PTAR1: variants seen among roughly 807,000 people sequenced by gnomAD.
PTAR1 encodes protein prenyltransferase alpha subunit repeat containing 1.
Under a neutral mutation model 45.5 loss-of-function variants are expected in PTAR1, and 17 were observed. The observed-to-expected ratio is 0.37, with a 90% CI of 0.26 to 0.56. The LOEUF (loss-of-function observed/expected upper bound fraction) is 0.56. Ranked by LOEUF, PTAR1 falls within the 20% of genes least tolerant of loss-of-function variation. The probability of loss-of-function intolerance (pLI) is 0.77; values close to 1 mark genes in which losing one functional copy is unlikely to be tolerated. For missense variants in PTAR1, 391 were observed against 476.3 expected, an observed-to-expected ratio of 0.82 and a Z score of 1.67; for synonymous variants, 169 against 171.3, an observed-to-expected ratio of 0.99 and a Z score of 0.11.
In PTAR1 at chr9:69,734,633, C is replaced by T. The variant is rs368259380; in HGVS notation, c.324-379G>A. Among the ~76,000 whole-genome samples, 769 of 152,126 alleles carry T rather than the reference C, an allele frequency of 5.1e-3. 7 individuals carry two copies. Among genetic ancestry groups the T allele is most frequent in the African/African-American group, 0.018 (735 of 41,496 alleles). ...ACCTATAGGGCCAATCCAATACCAGCCAAAATTGGTCTAGTTTCCTAAATA... is the reference window on the plus strand; with the variant it reads ...ACCTATAGGGCCAATCCAATACCAGTCAAAATTGGTCTAGTTTCCTAAATA... On this transcript the variant is annotated intron_variant, in intron 3 of 7. Coordinates refer to ENST00000340434, the MANE Select transcript of PTAR1 (RefSeq NM_001099666.2).
intron 1 of PTAR1, among the ~76,000 whole-genome samples, chr9:69,752,916 G>C (rs929277890): frequency 6.6e-6 from 1 of 151,642 alleles, no homozygotes; most frequent in African/African-American, 2.4e-5. Flanking sequence ...CTGAATCTCT[G>C]GTATTTTCTG....
Position 69,734,237 on chromosome 9 carries a change from G to T in PTAR1, c.341C>A (p.Ser114Tyr). 2.7e-6 allele frequency: 2 copies of T among 746,380 alleles called. No individual in the cohort carries two copies. Among genetic ancestry groups the T allele is most frequent in the Non-Finnish European group, 4.3e-6 (2 of 468,964 alleles). The allele number at this position is 746,380 out of a possible 1,614,324, so 46.2% of individuals were successfully genotyped here. A position where few individuals can be genotyped will look rare whatever the true frequency, so the allele number is the denominator to read the frequency against. Reference protein sequence around the residue: ...AWNVRKELILSGTLNPIKDLH... With the variant: ...AWNVRKELILYGTLNPIKDLH... ...ATCCTTAATTGGATTTAAAGTGCCA[G>T]AGAGGATCAGCTCTTTCCTGTAAAA... The change falls in exon 4 of 8, where the codon TCT becomes TAT. Residue 114 changes from serine (S) to tyrosine (Y), a missense_variant. Physicochemically the swap from Ser to Tyr is moderately radical, Grantham distance 144. Coordinates refer to ENST00000340434, the MANE Select transcript of PTAR1 (RefSeq NM_001099666.2).
chr9:69,741,360 A>G (rs1222918377), intron 3 of PTAR1, among the ~76,000 whole-genome samples: 1 of 152,118 alleles, frequency 6.6e-6, no homozygotes, highest in African/African-American at 2.4e-5. Context: ...TGGCAATTCC[A>G]TCCTTTCAGT....
chr9:69,718,828 A>T lies in PTAR1; in HGVS notation c.948-144T>A. 3 of 584,320 alleles carry T rather than the reference A, an allele frequency of 5.1e-6. No individual in the cohort carries two copies. The South Asian group carries it at 8.2e-5, about 16-fold the overall frequency. 36.2% of individuals were successfully genotyped at this position (584,320 alleles called of 1,614,324 possible). A position where few individuals can be genotyped will look rare whatever the true frequency, so the allele number is the denominator to read the frequency against. ...AACCAAGTTATACAGAGGAAGGAGG[A>T]AAAACAGTAGAGATGATGTTCCAGG... On this transcript the variant is annotated intron_variant, in intron 6 of 7. Coordinates refer to ENST00000340434, the MANE Select transcript of PTAR1 (RefSeq NM_001099666.2).
chr9:69,752,473 C>T (rs576712011), intron 1 of PTAR1, among the ~76,000 whole-genome samples: 60 of 152,038 alleles, frequency 3.9e-4, no homozygotes, highest in Admixed American at 1.5e-3. Context: ...TTCTTTCAAG[C>T]TAATTTAACT....
At position 69,741,788 on chromosome 9, in the gene PTAR1, A is replaced by G. The variant is rs1328627831; in HGVS notation, c.323+4T>C. 1 of 1,580,566 alleles carries G rather than the reference A, an allele frequency of 6.3e-7. No homozygotes were observed. The highest frequency in any genetic ancestry group is 1.7e-5 in the Admixed American group (1 of 58,102). On this transcript the variant is annotated splice_donor_region_variant and intron_variant, in intron 3 of 7. Transcript: ENST00000340434. ...TTATCATATCACTAATGAAAATGAC[A>G]TACCTCACGTTCCATGCAGTGGTAA...
intron 2 of PTAR1, among the ~76,000 whole-genome samples, chr9:69,744,763 C>T (rs144737229): frequency 1.8e-4 from 27 of 152,198 alleles, no homozygotes; most frequent in African/African-American, 4.8e-4. Flanking sequence ...ATTTTTTGCA[C>T]GCAGGTCCTC....
At chr9:69,740,590 C>T (rs116978769) in intron 3 of PTAR1, among the ~76,000 whole-genome samples, 2,201 of 151,314 alleles carry the variant, frequency 0.015, 22 homozygotes, top group Middle Eastern at 0.034. Flanking sequence ...TTTCCGTGCC[C>T]AATTTGCAAA....
intron 1 of PTAR1, chr9:69,758,663 G>GCAAAACATCCAAAACAT (rs914887761): frequency 2.5e-6 from 1 of 398,182 alleles, no homozygotes; most frequent in African/African-American, 2.1e-5. Context: ...CCACAAGGGA[G>GCAAAACATCCAAAACAT]CAAAACATCC....
At chr9:69,738,319 CTGAGTTCAGGTTTCT>C (rs1825884857) in intron 3 of PTAR1, among the ~76,000 whole-genome samples, 1 of 152,186 alleles carries the variant, frequency 6.6e-6, no homozygotes, top group South Asian at 2.1e-4. Context: ...GATTACCTGG[CTGAGTTCAGGTTTCT>C]TCACTACTTT....
In PTAR1 at chr9:69,712,946, A is replaced by G. The variant is rs1824581720; in HGVS notation, c.*5396T>C. On this transcript the variant is annotated 3_prime_UTR_variant, in exon 8 of 8. Transcript: ENST00000340434. ...GTACTGGTAATAGTTTATAAAAAATACGATCTATACTAAAATTTAAGAGCT... is the reference window on the plus strand; with the variant it reads ...GTACTGGTAATAGTTTATAAAAAATGCGATCTATACTAAAATTTAAGAGCT... 1 of 152,104 alleles carries G rather than the reference A, an allele frequency of 6.6e-6. No homozygotes were observed. Among genetic ancestry groups the G allele is most frequent in the Admixed American group, 6.6e-5 (1 of 15,240 alleles). 9.4% of individuals were successfully genotyped at this position (152,104 alleles called of 1,614,324 possible). A position where few individuals can be genotyped will look rare whatever the true frequency, so the allele number is the denominator to read the frequency against.
At chr9:69,759,237 T>C (rs1826958208) in intron 1 of PTAR1, among the ~76,000 whole-genome samples, 1 of 152,220 alleles carries the variant, frequency 6.6e-6, no homozygotes, top group South Asian at 2.1e-4. Flanking sequence ...CAAGGTTTCA[T>C]TTGCTTTATC....
intron 5 of PTAR1, among the ~76,000 whole-genome samples, chr9:69,728,461 T>C (rs898819823): frequency 2.0e-5 from 3 of 152,214 alleles, no homozygotes; most frequent in Non-Finnish European, 4.4e-5. Flanking sequence ...TTACCAGCCA[T>C]AAATAAGAGT....
chr9:69,720,662 G>A (rs542808423), intron 6 of PTAR1, among the ~76,000 whole-genome samples: 1 of 152,300 alleles, frequency 6.6e-6, no homozygotes, highest in Admixed American at 6.5e-5. Context: ...TCCATGCCTA[G>A]CTTCAAAGTT....
chr9:69,754,305 G>A (rs558025792), intron 1 of PTAR1, among the ~76,000 whole-genome samples: 1 of 152,110 alleles, frequency 6.6e-6, no homozygotes, highest in Admixed American at 6.5e-5. Flanking sequence ...TATTGCTAGT[G>A]GCTAAGTTAA....
chr9:69,741,824 T>C lies in PTAR1; in HGVS notation c.291A>G (p.Leu97=). Residue 97 remains leucine (L), a synonymous_variant, in exon 3 of 8, where the codon CTA becomes CTG. Coordinates refer to ENST00000340434, the MANE Select transcript of PTAR1 (RefSeq NM_001099666.2). ...LIDVTCTLLL[L]NPDFTTAWNV... ...TCCATGCAGTGGTAAAGTCTGGGTTTAGAAGCAGCAGGGTACATGTGACAT... is the reference window on the plus strand; with the variant it reads ...TCCATGCAGTGGTAAAGTCTGGGTTCAGAAGCAGCAGGGTACATGTGACAT... 1.2e-6 allele frequency: 2 copies of C among 1,601,630 alleles called. No individual in the cohort carries two copies. Among genetic ancestry groups the C allele is most frequent in the Non-Finnish European group, 1.7e-6 (2 of 1,172,704 alleles).
intron 6 of PTAR1, among the ~76,000 whole-genome samples, chr9:69,719,860 T>C (rs1014214625): frequency 1.3e-5 from 2 of 152,196 alleles, no homozygotes; most frequent in Non-Finnish European, 2.9e-5. Flanking sequence ...CGATCTTTGA[T>C]GTTACTACTA....
At chr9:69,754,532 CTTTT>C (rs60025062) in intron 1 of PTAR1, among the ~76,000 whole-genome samples, 2 of 76,260 alleles carry the variant, frequency 2.6e-5, no homozygotes, top group Non-Finnish European at 4.8e-5. Context: ...GGGTATATAT[CTTTT>C]TTTTTTTTTT....
In PTAR1 at chr9:69,715,995, T is replaced by C. The variant is rs1051468021; in HGVS notation, c.*2347A>G. On this transcript the variant is annotated 3_prime_UTR_variant, in exon 8 of 8. Transcript: ENST00000340434. The stretch of plus-strand genomic sequence containing the variant: ...AGCCTTAGAAGATATGAAAATAGTT[T>C]ACACACCAAAGATAGGCAAGATAAT... 1.3e-5 allele frequency: 2 copies of C among 152,118 alleles called. No individual in the cohort carries two copies. Among genetic ancestry groups the C allele is most frequent in the African/African-American group, 4.8e-5 (2 of 41,434 alleles). 9.4% of individuals were successfully genotyped at this position (152,118 alleles called of 1,614,324 possible).
Sources: allele counts gnomAD v4.1 joint callset (sites outside exome capture counted in the v4.1 genomes callset), GRCh38; gene constraint gnomAD v4.1.1; transcripts MANE v1.5; gene names NCBI Gene and HGNC (gene_info 2026-07-23, HGNC 2026-07-21).